MREG: variants seen among roughly 807,000 people sequenced by gnomAD.
MREG encodes dilute suppressor protein homolog.
A neutral mutation model predicts 28.5 loss-of-function variants in MREG; 31 were observed. That is an observed-to-expected ratio of 1.09 (90% CI 0.82 to 1.47). The LOEUF (loss-of-function observed/expected upper bound fraction) is 1.47. MREG is among the 40% of genes most tolerant of loss of function. MREG has a pLI of 0.00. For missense variants in MREG, 256 were observed against 257.4 expected (o/e 0.99, Z 0.04); for synonymous variants, 106 against 95.2 (o/e 1.11, Z -0.66).
At chr2:216,029,852 C>G (rs1453749576) in intron 1 of MREG, among the ~76,000 whole-genome samples, 2 of 152,208 alleles carry the variant, frequency 1.3e-5, no homozygotes, top group Non-Finnish European at 2.9e-5. Flanking sequence ...CTGAGAGTCT[C>G]ATGCATCATT....
At chr2:215,995,082 A>C (rs1227273812) in intron 2 of MREG, among the ~76,000 whole-genome samples, 1 of 152,180 alleles carries the variant, frequency 6.6e-6, no homozygotes, top group Non-Finnish European at 1.5e-5. Context: ...ACGCATTCCC[A>C]ATTATATGCT....
At chr2:215,979,467 A>AAAAAAAAATAAT (rs373505672) in intron 2 of MREG, among the ~76,000 whole-genome samples, 2 of 132,494 alleles carry the variant, frequency 1.5e-5, no homozygotes, top group Non-Finnish European at 3.1e-5. Flanking sequence ...CCATCTCAAA[A>AAAAAAAAATAAT]AATAATAATA....
intron 2 of MREG, among the ~76,000 whole-genome samples, chr2:215,982,850 ATAGGGT>A (rs1693467580): frequency 6.6e-6 from 1 of 152,226 alleles, no homozygotes; most frequent in African/African-American, 2.4e-5. Context: ...TGCCTCTTTC[ATAGGGT>A]TACCGTGAGG....
In MREG at chr2:215,985,551, A is replaced by G. The variant is rs1036590426; in HGVS notation, c.255+10755T>C. Among the ~76,000 whole-genome samples, 5 of 152,220 alleles carry G rather than the reference A, an allele frequency of 3.3e-5. 1 individual carries two copies. Among genetic ancestry groups the G allele is most frequent in the Admixed American group, 3.3e-4 (5 of 15,272 alleles). On this transcript the variant is annotated intron_variant, in intron 2 of 4. Transcript: ENST00000263268. ...TTGTTTTGTATTTTTTTGACACCAAATGACTTTAAGCTAATGCCTTTGTTT... is the reference window on the plus strand; with the variant it reads ...TTGTTTTGTATTTTTTTGACACCAAGTGACTTTAAGCTAATGCCTTTGTTT...
intron 2 of MREG, among the ~76,000 whole-genome samples, chr2:215,975,030 A>ATAT (rs1553550387): frequency 7.0e-6 from 1 of 143,478 alleles, no homozygotes; most frequent in Non-Finnish European, 1.5e-5. Context: ...ATATATATGA[A>ATAT]ATAATACCTC....
chr2:215,968,709 T>C (rs1693010190), intron 2 of MREG, among the ~76,000 whole-genome samples: 1 of 152,288 alleles, frequency 6.6e-6, no homozygotes, highest in Middle Eastern at 3.4e-3. Context: ...TGCTGACCTA[T>C]GAGTAATTGG....
At chr2:215,983,598 A>G (rs1228496035) in intron 2 of MREG, among the ~76,000 whole-genome samples, 1 of 152,216 alleles carries the variant, frequency 6.6e-6, no homozygotes, top group African/African-American at 2.4e-5. Context: ...AATGAGGATC[A>G]TTTATGTGTC....
chr2:215,954,691 T>C (rs1692577184), intron 2 of MREG, among the ~76,000 whole-genome samples: 1 of 151,944 alleles, frequency 6.6e-6, no homozygotes, highest in African/African-American at 2.4e-5. Context: ...TTTTTTCTTA[T>C]GCATTCACTA....
Position 216,013,139 on chromosome 2 carries a change from C to T in MREG, c.95+94G>A. ...CCGCGTGCCCTTCCAGCAAGCCCAC[C>T]TCCCCAACTCACACAAGCACACAGG... is the stretch of plus-strand genomic sequence containing the variant. On this transcript the variant is annotated intron_variant, in intron 1 of 4. Transcript: ENST00000263268. The T allele has an allele frequency of 1.8e-6, 2 of 1,120,280 alleles. 1 individual carries two copies. Among genetic ancestry groups the T allele is most frequent in the South Asian group, 2.8e-5 (2 of 71,990 alleles). The allele number at this position is 1,120,280 out of a possible 1,614,324, so 69.4% of individuals were successfully genotyped here. A position where few individuals can be genotyped will look rare whatever the true frequency, so the allele number is the denominator to read the frequency against.
chr2:215,989,812 T>A (rs1693676109), intron 2 of MREG, among the ~76,000 whole-genome samples: 1 of 151,746 alleles, frequency 6.6e-6, no homozygotes, highest in Non-Finnish European at 1.5e-5. Context: ...GAAGATCAAC[T>A]TAATGAAATA....
chr2:215,945,052 T>C lies in MREG; in HGVS notation c.511-55A>G, dbSNP rs949774264. ...TGCTGGCAAGATAGGAACCAAGACA[T>C]GTCGATGGGAAAAAGCAATCTAACA... is the stretch of plus-strand genomic sequence containing the variant. On this transcript the variant is annotated intron_variant, in intron 4 of 4. Coordinates refer to ENST00000263268, the MANE Select transcript of MREG (RefSeq NM_018000.3). 6 of 1,495,288 alleles carry C rather than the reference T, an allele frequency of 4.0e-6. No homozygotes were observed. In the African/African-American group the frequency reaches 4.1e-5, roughly 10 times the overall value. The allele number at this position is 1,495,288 out of a possible 1,614,324, so 92.6% of individuals were successfully genotyped here. A position where few individuals can be genotyped will look rare whatever the true frequency, so the allele number is the denominator to read the frequency against.
chr2:215,960,677 T>C (rs1692758112), intron 2 of MREG, among the ~76,000 whole-genome samples: 1 of 151,618 alleles, frequency 6.6e-6, no homozygotes, highest in East Asian at 1.9e-4. Context: ...CTACTAAAAA[T>C]ACAAAAATTA....
intron 1 of MREG, among the ~76,000 whole-genome samples, chr2:216,027,805 G>C (rs552769989): frequency 6.6e-6 from 1 of 152,270 alleles, no homozygotes; most frequent in South Asian, 2.1e-4. Flanking sequence ...TTCTGAACAA[G>C]AGTCAAGCCA....
rs572199681 is a variant in MREG, at chr2:215,966,165, G to A, written c.256-19052C>T. On this transcript the variant is annotated intron_variant, in intron 2 of 4. Transcript: ENST00000263268. ...TCTAGGGAGGGAGAGGGGGTCCCAGGGAGACATCCTCAATGCCCCAGACCT... is the reference window on the plus strand; with the variant it reads ...TCTAGGGAGGGAGAGGGGGTCCCAGAGAGACATCCTCAATGCCCCAGACCT... Among the ~76,000 whole-genome samples, 26 of 152,232 alleles carry A rather than the reference G, an allele frequency of 1.7e-4. No individual in the cohort carries two copies. The South Asian group carries it at 4.8e-3, about 28-fold the overall frequency.
At chr2:216,028,221 A>AAAT (rs1694625170) in intron 1 of MREG, among the ~76,000 whole-genome samples, 1 of 152,162 alleles carries the variant, frequency 6.6e-6, no homozygotes, top group African/African-American at 2.4e-5. Flanking sequence ...AACTTGCTCA[A>AAAT]AATACCCAGA....
At chr2:215,945,120 GT>G (rs1692287243) in intron 4 of MREG, 123 bp from the exon 5 acceptor site, 1 of 1,022,842 alleles carries the variant, frequency 9.8e-7, no homozygotes. Context: ...CAAGTAAGAC[GT>G]TTATTAATTT....
rs530129897 is a variant in MREG, at chr2:216,026,353, G to GTTTATTTATTTA, written c.-68+6424_-68+6435dup. Among the ~76,000 whole-genome samples, 303 of 148,488 alleles carry GTTTATTTATTTA rather than the reference G, an allele frequency of 2.0e-3. 1 individual carries two copies. Among genetic ancestry groups the GTTTATTTATTTA allele is most frequent in the African/African-American group, 5.9e-3 (233 of 39,394 alleles). On this transcript the variant is annotated intron_variant, in intron 1 of 3. Transcript: ENST00000420348. ...ATTTTAAAATGGTTACTTCCATTGT[G>GTTTATTTATTTA]TTTATTTATTTATTTATTTATTTAT... is the stretch of plus-strand genomic sequence containing the variant.
At chr2:215,957,570 A>T (rs1011142403) in intron 2 of MREG, among the ~76,000 whole-genome samples, 1 of 152,148 alleles carries the variant, frequency 6.6e-6, no homozygotes, top group Admixed American at 6.5e-5. Context: ...GACTGAGGAG[A>T]GAAGGTAAAT....
chr2:215,941,455 G>A (rs927587867), downstream of MREG, among the ~76,000 whole-genome samples: 2 of 152,164 alleles, frequency 1.3e-5, no homozygotes, highest in Admixed American at 6.5e-5. Context: ...CTCTGGTCCT[G>A]AAGTATCACT....
Sources: gnomAD v4.1 joint callset for allele counts (sites outside exome capture counted in the v4.1 genomes callset) on GRCh38, gnomAD v4.1.1 for gene constraint, MANE v1.5 for transcripts, NCBI Gene and HGNC (gene_info 2026-07-23, HGNC 2026-07-21) for gene names.